Variants in SHISA9 observed in about 807,000 individuals in gnomAD.
SHISA9 encodes the protein protein shisa-9.
A neutral mutation model predicts 38.0 loss-of-function variants in SHISA9; 13 were observed. The observed-to-expected ratio is 0.34, with a 90% CI of 0.22 to 0.54. SHISA9 has a LOEUF of 0.54. Among genes scored for constraint, SHISA9 ranks in the 20% least tolerant of loss-of-function variants. SHISA9 has a pLI of 0.91. For missense variants in SHISA9, 538 were observed against 575.8 expected, an observed-to-expected ratio of 0.93 and a Z score of 0.67; for synonymous variants, 275 against 242.0, an observed-to-expected ratio of 1.14 and a Z score of -1.27.
the SHISA9 span, among the ~76,000 whole-genome samples, chr16:13,474,982 C>G: frequency 4.1e-4 from 63 of 152,264 alleles, no homozygotes; most frequent in African/African-American, 1.4e-3. Flanking sequence ...GAGTTTTATT[C>G]CATTCTAAGA....
chr16:13,245,532 G>A, the SHISA9 span, among the ~76,000 whole-genome samples: 3 of 152,130 alleles, frequency 2.0e-5, no homozygotes, highest in Non-Finnish European at 2.9e-5. Flanking sequence ...AAACATTTCA[G>A]CATTAGCTTT....
intron 2 of SHISA9, among the ~76,000 whole-genome samples, chr16:13,131,112 GTAT>G (rs141148976): frequency 0.75 from 104,352 of 139,182 alleles, 35,925 homozygotes; most frequent in East Asian, 0.8. Flanking sequence ...CCATTACTGG[GTAT>G]TATATACCCA....
the SHISA9 span, among the ~76,000 whole-genome samples, chr16:13,440,236 C>T: frequency 1.3e-5 from 2 of 152,194 alleles, no homozygotes; most frequent in Non-Finnish European, 2.9e-5. Context: ...CAGAAGGAAG[C>T]CTCTCCCATT....
chr16:13,296,846 A>C, the SHISA9 span, among the ~76,000 whole-genome samples: 2 of 132,602 alleles, frequency 1.5e-5, no homozygotes, highest in Non-Finnish European at 3.1e-5. Context: ...AGCTGAGAGC[A>C]TGCCCTTGCA....
the SHISA9 span, among the ~76,000 whole-genome samples, chr16:13,432,279 G>A: frequency 5.3e-5 from 8 of 152,226 alleles, no homozygotes; most frequent in African/African-American, 1.9e-4. Context: ...GTCCCTTTTA[G>A]CATAGATGCC....
chr16:13,299,281 T>A, the SHISA9 span, among the ~76,000 whole-genome samples: 1 of 152,214 alleles, frequency 6.6e-6, no homozygotes, highest in African/African-American at 2.4e-5. Context: ...ACCTTTCAGA[T>A]CATCAGGAAT....
the SHISA9 span, among the ~76,000 whole-genome samples, chr16:13,266,380 C>T: frequency 1.3e-5 from 2 of 152,062 alleles, no homozygotes; most frequent in South Asian, 2.1e-4. Context: ...AAATGCTTTC[C>T]CCAGTCTAGG....
At chr16:13,294,765 A>G in the SHISA9 span, among the ~76,000 whole-genome samples, 1 of 152,338 alleles carries the variant, frequency 6.6e-6, no homozygotes, top group Non-Finnish European at 1.5e-5. Flanking sequence ...GAGTTCAGGC[A>G]GCAAATACAA....
At chr16:13,019,838 CCT>C (rs1567183900) in intron 2 of SHISA9, among the ~76,000 whole-genome samples, 22 of 45,490 alleles carry the variant, frequency 4.8e-4, no homozygotes, top group African/African-American at 5.7e-4. Flanking sequence ...CTTTCTTTTT[CCT>C]TCCTTCCCTC....
the SHISA9 span, among the ~76,000 whole-genome samples, chr16:13,422,512 A>G: frequency 6.6e-6 from 1 of 152,108 alleles, no homozygotes; most frequent in African/African-American, 2.4e-5. Flanking sequence ...CCCGGCCAAC[A>G]TGGCGAAACC....
At chr16:13,054,805 C>T (rs2073291541) in intron 2 of SHISA9, among the ~76,000 whole-genome samples, 1 of 152,234 alleles carries the variant, frequency 6.6e-6, no homozygotes, top group Admixed American at 6.5e-5. Context: ...TTGCTCTCTG[C>T]CTTCCAGCCA....
chr16:13,272,094 A>G, the SHISA9 span, among the ~76,000 whole-genome samples: 1 of 79,642 alleles, frequency 1.3e-5, no homozygotes, highest in Non-Finnish European at 3.2e-5. Flanking sequence ...AAAAAAAAAG[A>G]GAGAGAGAAA....
At chr16:13,540,790 T>A in the SHISA9 span, among the ~76,000 whole-genome samples, 44 of 152,318 alleles carry the variant, frequency 2.9e-4, no homozygotes, top group African/African-American at 9.6e-4. Flanking sequence ...AAGTAGATGA[T>A]CATTAATATT....
chr16:13,197,156 T>C (rs11648892), intron 2 of SHISA9, among the ~76,000 whole-genome samples: 2 of 141,298 alleles, frequency 1.4e-5, no homozygotes, highest in African/African-American at 5.2e-5. Flanking sequence ...TATATATATA[T>C]AGAGAGAGAG....
At position 13,017,383 on chromosome 16, in the gene SHISA9, A is replaced by G. The variant is rs530018742; in HGVS notation, c.691+100568A>G. The stretch of plus-strand genomic sequence containing the variant: ...TGCATTTTCCCCAATTTATCTCATT[A>G]TCACATTGTCAGCCTTCCATGTTGG... On this transcript the variant is annotated intron_variant, in intron 2 of 4. Transcript: ENST00000558583. 7.9e-5 allele frequency among the ~76,000 whole-genome samples: 12 copies of G among 152,330 alleles called. No individual in the cohort carries two copies. In the East Asian group the frequency reaches 2.3e-3, roughly 29 times the overall value.
At chr16:13,085,110 T>C (rs547268877) in intron 2 of SHISA9, among the ~76,000 whole-genome samples, 1 of 152,228 alleles carries the variant, frequency 6.6e-6, no homozygotes, top group East Asian at 1.9e-4. Context: ...ATTCTGATTG[T>C]GGTGGATTGA....
At chr16:13,461,326 T>C in the SHISA9 span, among the ~76,000 whole-genome samples, 35 of 152,134 alleles carry the variant, frequency 2.3e-4, no homozygotes, top group Non-Finnish European at 7.3e-5. Context: ...ACACCTGTAA[T>C]CCCAGCACTT....
At chr16:13,352,163 A>G in the SHISA9 span, among the ~76,000 whole-genome samples, 2 of 152,176 alleles carry the variant, frequency 1.3e-5, no homozygotes, top group Admixed American at 6.5e-5. Context: ...AGCAATGCCA[A>G]CTTCTTATAT....
chr16:13,417,356 C>A, the SHISA9 span, among the ~76,000 whole-genome samples: 4 of 151,248 alleles, frequency 2.6e-5, no homozygotes, highest in Non-Finnish European at 4.4e-5. Context: ...TTGTCACTTG[C>A]GTTATTTGGG....
Sources: gnomAD v4.1 joint callset for allele counts (sites outside exome capture counted in the v4.1 genomes callset) on GRCh38, gnomAD v4.1.1 for gene constraint, MANE v1.5 for transcripts, NCBI Gene and HGNC (gene_info 2026-07-23, HGNC 2026-07-21) for gene names.